The following MTG1 variants were observed in gnomAD, a reference collection of about 807,000 sequenced individuals.
The protein encoded by MTG1 is mitochondrial ribosome-associated GTPase 1.
MTG1 carries 30 observed loss-of-function variants against 39.5 expected under a neutral mutation model. That is an observed-to-expected ratio of 0.76 (90% CI 0.57 to 1.03). MTG1 has a LOEUF of 1.03. Among genes scored for constraint, MTG1 ranks in the 50% least tolerant of loss-of-function variants. MTG1 has a pLI of 0.00. For synonymous variants in MTG1, 217 were observed against 179.0 expected, an observed-to-expected ratio of 1.21 and a Z score of -1.69; for missense variants, 513 against 447.4, an observed-to-expected ratio of 1.15 and a Z score of -1.32.
chr10:133,410,211 T>TTTTA (rs541313997), intron 9 of MTG1, among the ~76,000 whole-genome samples: 167 of 151,904 alleles, frequency 1.1e-3, no homozygotes, highest in African/African-American at 2.6e-3. Flanking sequence ...CACCTGGCTG[T>TTTTA]TTTATTTATT....
intron 1 of MTG1, 189 bp downstream of exon 1, chr10:133,394,521 A>C: frequency 7.5e-7 from 1 of 1,342,080 alleles, no homozygotes; most frequent in Non-Finnish European, 9.5e-7. Flanking sequence ...TCCCCTGCGC[A>C]GCTGCGGGAG....
At chr10:133,403,753 TGTGTAGATCCGGGCTTTC>T (rs1849923241) in intron 9 of MTG1, among the ~76,000 whole-genome samples, 1 of 152,140 alleles carries the variant, frequency 6.6e-6, no homozygotes, top group African/African-American at 2.4e-5. Context: ...GACAGGTCTT[TGTGTAGATCCGGGCTTTC>T]GTTTCCCTTG....
chr10:133,408,867 G>A (rs1564821578), intron 9 of MTG1, among the ~76,000 whole-genome samples: 1 of 151,972 alleles, frequency 6.6e-6, no homozygotes, highest in Non-Finnish European at 1.5e-5. Flanking sequence ...ATGATCCCTT[G>A]TATTTCTGTG....
At chr10:133,403,649 C>G (rs575255855) in intron 9 of MTG1, among the ~76,000 whole-genome samples, 38 of 152,308 alleles carry the variant, frequency 2.5e-4, no homozygotes, top group African/African-American at 8.2e-4. Flanking sequence ...TGTCCAGGTG[C>G]GCTGCAGTCT....
intron 2 of MTG1, 89 bp from the exon 3 acceptor site, chr10:133,396,074 C>T: frequency 1.7e-6 from 2 of 1,193,022 alleles, no homozygotes; most frequent in Non-Finnish European, 2.5e-6. Context: ...AATGAATTGG[C>T]AGGATGTGAT....
intron 9 of MTG1, among the ~76,000 whole-genome samples, chr10:133,409,007 A>T (rs1190190496): frequency 2.8e-5 from 4 of 141,268 alleles, no homozygotes; most frequent in Admixed American, 7.0e-5. Context: ...GATCTTTGGT[A>T]TTTTTTTTTT....
At chr10:133,413,098 A>T in intron 9 of MTG1, among the ~76,000 whole-genome samples, 1 of 152,054 alleles carries the variant, frequency 6.6e-6, no homozygotes, top group East Asian at 1.9e-4. Context: ...TTCTTGTCTG[A>T]TATTAATATA....
At position 133,402,258 on chromosome 10, in the gene MTG1, T is replaced by C. The variant is rs58858117; in HGVS notation, c.670+13T>C. On this transcript the variant is annotated intron_variant, in intron 8 of 10. Transcript: ENST00000317502. This position sits in a 1 kb window ranked among gnomAD's most constrained non-coding sequence, Gnocchi z 4.7. Reference sequence around the variant, plus strand: ...CTGGCCCTGTGTGGTGAGCCGGGGCTGGGGCTGGGGCTGGGGCTGGGACCG... The same window carrying C: ...CTGGCCCTGTGTGGTGAGCCGGGGCCGGGGCTGGGGCTGGGGCTGGGACCG... 0.15 allele frequency: 115,491 copies of C among 775,890 alleles called. 4,522 individuals are homozygous for C. The highest frequency in any genetic ancestry group is 0.34 in the African/African-American group (8,282 of 24,018). The allele number at this position is 775,890 out of a possible 1,614,324, so 48.1% of individuals were successfully genotyped here.
chr10:133,411,216 T>C (rs2133508538), intron 9 of MTG1, among the ~76,000 whole-genome samples: 1 of 152,270 alleles, frequency 6.6e-6, no homozygotes, highest in Admixed American at 6.5e-5. Context: ...AGTTGCATTT[T>C]TTTTTCCTTC....
intron 1 of MTG1, among the ~76,000 whole-genome samples, chr10:133,395,309 T>G (rs1049258694): frequency 1.3e-5 from 2 of 152,248 alleles, no homozygotes; most frequent in African/African-American, 4.8e-5. Flanking sequence ...GCAGGAGAAT[T>G]GCTTGAACCT....
rs1850261549 is a variant in MTG1, at chr10:133,422,393, T to A, written c.*2228T>A. ...AGCGGGATTGGCAGTTGCTGTGCCC[T>A]GAGAACAGGCAGAACTGTGTGATCC... is the stretch of plus-strand genomic sequence containing the variant. On this transcript the variant is annotated 3_prime_UTR_variant, in exon 11 of 11. Transcript: ENST00000317502. 1 of 152,372 alleles carries A rather than the reference T, an allele frequency of 6.6e-6. No homozygotes were observed. The highest frequency in any genetic ancestry group is 1.5e-5 in the Non-Finnish European group (1 of 68,180). 9.4% of individuals were successfully genotyped at this position (152,372 alleles called of 1,614,324 possible). A position where few individuals can be genotyped will look rare whatever the true frequency, so the allele number is the denominator to read the frequency against.
At chr10:133,412,929 TC>T (rs1328891098) in intron 9 of MTG1, among the ~76,000 whole-genome samples, 2 of 152,244 alleles carry the variant, frequency 1.3e-5, no homozygotes, top group Non-Finnish European at 2.9e-5. Flanking sequence ...TTCTGTTTCT[TC>T]TTGCTGTTCA....
chr10:133,394,274 G>C lies in MTG1; in HGVS notation c.54G>C (p.Glu18Asp). Residue 18 changes from glutamate (E) to aspartate (D), a missense_variant, in exon 1 of 11, where the codon GAG (glutamate) becomes GAC (aspartate). Glu to Asp is a conservative substitution (Grantham distance 45, BLOSUM62 2). Coordinates refer to ENST00000317502, the MANE Select transcript of MTG1 (RefSeq NM_138384.4). ...LCSAAQAAWR[E>D]NFPLCGRDVA... is the part of the protein sequence containing the mutation. ...GCGCCGCCCAGGCCGCCTGGCGGGA[G>C]AACTTCCCCCTGTGCGGTCGCGACG... 5 of 1,517,700 alleles carry C rather than the reference G, an allele frequency of 3.3e-6. No individual in the cohort carries two copies. Among genetic ancestry groups the C allele is most frequent in the Non-Finnish European group, 4.4e-6 (5 of 1,137,262 alleles). 94.0% of individuals were successfully genotyped at this position (1,517,700 alleles called of 1,614,324 possible).
chr10:133,404,441 A>G (rs1204282262), intron 9 of MTG1, among the ~76,000 whole-genome samples: 1 of 151,508 alleles, frequency 6.6e-6, no homozygotes, highest in Non-Finnish European at 1.5e-5. Context: ...ACCTTTTTCT[A>G]ATATATTCTG....
chr10:133,408,299 T>C (rs1197314322), intron 9 of MTG1, among the ~76,000 whole-genome samples: 1 of 152,264 alleles, frequency 6.6e-6, no homozygotes, highest in African/African-American at 2.4e-5. Context: ...TTGAATGCTT[T>C]TTCAGCATTT....
intron 5 of MTG1, 134 bp downstream of exon 5, chr10:133,399,360 C>T: frequency 8.0e-7 from 1 of 1,250,084 alleles, no homozygotes; most frequent in Non-Finnish European, 1.2e-6. Flanking sequence ...TCATTCTCTT[C>T]AGTGGAAAGG....
chr10:133,398,118 T>C (rs753185887), intron 3 of MTG1, among the ~76,000 whole-genome samples: 24 of 152,244 alleles, frequency 1.6e-4, no homozygotes, highest in Non-Finnish European at 3.4e-4. Flanking sequence ...TAAAACCAGC[T>C]GAATCAGTGA....
At chr10:133,406,536 T>A (rs968791695) in intron 9 of MTG1, among the ~76,000 whole-genome samples, 2 of 152,110 alleles carry the variant, frequency 1.3e-5, no homozygotes, top group African/African-American at 4.8e-5. Context: ...TTATTATTAT[T>A]ATTTTTGCTT....
chr10:133,395,606 C>T, intron 1 of MTG1, 107 bp from the exon 2 acceptor site: 1 of 1,069,544 alleles, frequency 9.3e-7, no homozygotes, highest in African/African-American at 1.6e-5. Context: ...CAGATATAGT[C>T]TTTTTAGGTT....
Sources: gnomAD v4.1 joint callset for allele counts (sites outside exome capture counted in the v4.1 genomes callset) on GRCh38, gnomAD v4.1.1 for gene constraint, Gnocchi (gnomAD v3.1) non-coding constraint, MANE v1.5 for transcripts, NCBI Gene and HGNC (gene_info 2026-07-23, HGNC 2026-07-21) for gene names.